The following CCNT2 variants were observed in gnomAD, a reference collection of about 807,000 sequenced individuals.
CCNT2 encodes the protein cyclin-T2.
A neutral mutation model predicts 70.0 loss-of-function variants in CCNT2; 18 were observed. That is an observed-to-expected ratio of 0.26 (90% CI 0.18 to 0.38). The LOEUF is 0.38. Ranked by LOEUF, CCNT2 falls within the 10% of genes least tolerant of loss-of-function variation. The pLI is 1.00. For missense variants in CCNT2, 734 were observed against 890.2 expected (o/e 0.82, Z 2.23); for synonymous variants, 334 against 313.3 (o/e 1.07, Z -0.70).
intron 5 of CCNT2, chr2:134,945,617 G>C: frequency 1.0e-6 from 1 of 985,358 alleles, no homozygotes; most frequent in South Asian, 4.7e-5. Flanking sequence ...AAACTGAGCA[G>C]TTTGTGCTCT....
At chr2:134,942,469 A>G (rs1419953845) in intron 4 of CCNT2, 143 bp from the exon 5 acceptor site, 1 of 430,238 alleles carries the variant, frequency 2.3e-6, no homozygotes, top group South Asian at 9.7e-5. Context: ...TTGTCATTGG[A>G]AAAGTAATGA....
intron 2 of CCNT2, among the ~76,000 whole-genome samples, chr2:134,931,792 A>G (rs1301774069): frequency 6.6e-6 from 1 of 151,982 alleles, no homozygotes; most frequent in African/African-American, 2.4e-5. Flanking sequence ...AAGAGAAGGG[A>G]TCTCACTCTG....
chr2:134,940,481 A>C (rs531844831), intron 4 of CCNT2, among the ~76,000 whole-genome samples: 1 of 150,118 alleles, frequency 6.7e-6, no homozygotes, highest in Non-Finnish European at 1.5e-5. Flanking sequence ...TTAGGCACAC[A>C]AACAGACAAT....
chr2:134,953,499 C>G lies in CCNT2; in HGVS notation c.1044C>G (p.His348Gln), dbSNP rs1682686830. 4 of 1,614,040 alleles carry G rather than the reference C, an allele frequency of 2.5e-6. No homozygotes were observed. Among genetic ancestry groups the G allele is most frequent in the Non-Finnish European group, 3.4e-6 (4 of 1,180,028 alleles). ...MPSTSYGLSS[H>Q]QEWPQHQDSA... is the part of the protein sequence containing the mutation. ...GTACTTCATACGGTTTATCATCACA[C>G]CAGGAATGGCCTCAACATCAAGACT... The change falls in exon 9 of 9, where the codon CAC becomes CAG. Residue 348 changes from histidine (H) to glutamine (Q), a missense_variant. His to Gln is a conservative substitution (Grantham distance 24). Transcript: ENST00000264157.
At chr2:134,927,811 G>C (rs1680407012) in intron 2 of CCNT2, among the ~76,000 whole-genome samples, 1 of 152,072 alleles carries the variant, frequency 6.6e-6, no homozygotes, top group Non-Finnish European at 1.5e-5. Flanking sequence ...GGAAATGATG[G>C]AATCTCCTTA....
chr2:134,925,794 G>A (rs1248181068), intron 2 of CCNT2, among the ~76,000 whole-genome samples: 5 of 151,468 alleles, frequency 3.3e-5, no homozygotes, highest in African/African-American at 1.2e-4. Context: ...TTATACCCAG[G>A]AGTAGAATTG....
Position 134,954,072 on chromosome 2 carries a change from T to C in CCNT2, c.1617T>C (p.Asp539=), listed in dbSNP as rs1682741737. The change falls in exon 9 of 9, where the codon GAT becomes GAC. Residue 539 remains aspartate (D), a synonymous_variant. Coordinates refer to ENST00000264157, the MANE Select transcript of CCNT2 (RefSeq NM_058241.3). ...CTTCAGAAAGACACAGCTCTTCTGA[T>C]GAAGGCAGTGGGAAGAGCAAACATT... ...VSSSERHSSS[D]EGSGKSKHSS... is the part of the protein sequence containing the mutation. 2 of 1,613,902 alleles carry C rather than the reference T, an allele frequency of 1.2e-6. No homozygotes were observed. The highest frequency in any genetic ancestry group is 1.3e-5 in the African/African-American group (1 of 75,004).
At position 134,946,117 on chromosome 2, in the gene CCNT2, A is replaced by T; in HGVS notation, c.510A>T (p.Ala170=). The T allele has an allele frequency of 6.2e-7, 1 of 1,611,462 alleles. No homozygotes were observed. Among genetic ancestry groups the T allele is most frequent in the South Asian group, 1.1e-5 (1 of 91,022 alleles). ...TQLVRASKDL[A]QTSYFMATNS... ...TTCTTACAGCAAGCAAGGATTTGGC[A>T]CAGACATCCTATTTCATGGCTACCA... The change falls in exon 6 of 9, where the codon GCA becomes GCT. Residue 170 remains alanine (A), a synonymous_variant. Transcript: ENST00000264157.
intron 2 of CCNT2, among the ~76,000 whole-genome samples, chr2:134,921,482 T>C (rs1443837235): frequency 1.3e-5 from 2 of 152,146 alleles, no homozygotes; most frequent in Non-Finnish European, 2.9e-5. Context: ...GCCTCCTGAG[T>C]AGCTGGGACT....
rs191656861 is a variant in CCNT2, at chr2:134,939,375, G to A, written c.430+313G>A. Among the ~76,000 whole-genome samples the A allele has an allele frequency of 2.5e-3, 375 of 152,190 alleles. 2 individuals are homozygous for A. The highest frequency in any genetic ancestry group is 3.2e-3 in the Non-Finnish European group (217 of 67,976). ...CTTTAGGGTTGTTTTATATGATTAT[G>A]ATGTATACAAACCTACACAGCAATC... is the stretch of plus-strand genomic sequence containing the variant. On this transcript the variant is annotated intron_variant, in intron 4 of 8. Transcript: ENST00000264157.
intron 4 of CCNT2, among the ~76,000 whole-genome samples, chr2:134,940,938 C>T (rs1681537054): frequency 6.6e-6 from 1 of 152,256 alleles, no homozygotes; most frequent in South Asian, 2.1e-4. Flanking sequence ...GTGTAAGGTT[C>T]AGTGTGAAAG....
intron 3 of CCNT2, among the ~76,000 whole-genome samples, chr2:134,937,924 A>AT (rs556695628): frequency 6.6e-6 from 1 of 151,826 alleles, no homozygotes; most frequent in African/African-American, 2.4e-5. Context: ...CAAAAAAAAA[A>AT]TTTTTTTTTC....
chr2:134,954,537 C>A lies in CCNT2; in HGVS notation c.2082C>A (p.Thr694=). ...LVKLDKKPVE[T]NGPDANHEYS... is the part of the protein sequence containing the mutation. ...AACTGGACAAGAAGCCAGTGGAGAC[C>A]AACGGTCCTGATGCCAATCACGAGT... The change falls in exon 9 of 9, where the codon ACC becomes ACA. Residue 694 remains threonine (T), a synonymous_variant. Transcript: ENST00000264157. 6.2e-7 allele frequency: 1 copy of A among 1,614,032 alleles called. No homozygotes were observed. The highest frequency in any genetic ancestry group is 1.1e-5 in the South Asian group (1 of 91,082).
At chr2:134,946,284 C>A in intron 6 of CCNT2, 138 bp downstream of exon 6, 1 of 1,265,256 alleles carries the variant, frequency 7.9e-7, no homozygotes, top group Non-Finnish European at 1.1e-6. Flanking sequence ...TTCCTGTTTG[C>A]TTTGCGGTGT....
In CCNT2 at chr2:134,936,951, G is replaced by C; in HGVS notation, c.351G>C (p.Leu117=). 6.2e-7 allele frequency: 1 copy of C among 1,608,368 alleles called. No homozygotes were observed. Among genetic ancestry groups the C allele is most frequent in the East Asian group, 2.2e-5 (1 of 44,822 alleles). ...CTTGTCTTCATCCTCTAGAGCCACT[G>C]CTGGATACTAAATGTGATGTATGTA... The part of the protein sequence containing the change: ...AHACLHPLEP[L]LDTKCDAYLQ... The change falls in exon 3 of 9, where the codon CTG becomes CTC. Residue 117 remains leucine, a synonymous_variant. Transcript: ENST00000264157.
intron 5 of CCNT2, chr2:134,944,406 G>A (rs1455506849): frequency 3.1e-6 from 3 of 966,518 alleles, no homozygotes; most frequent in Non-Finnish European, 3.7e-6. Flanking sequence ...TAGGAAATTG[G>A]ATTTTCAGGT....
rs6737606 is a variant in CCNT2 at position 134,941,554 on chromosome 2, G to A, written c.431-1058G>A. Among the ~76,000 whole-genome samples, 384 of 152,000 alleles carry A rather than the reference G, an allele frequency of 2.5e-3. 1 individual carries two copies. The highest frequency in any genetic ancestry group is 8.8e-3 in the African/African-American group (363 of 41,404). ...TAGGCCCTGCGTTGTTCAGAGGTCAGCTGTAAATTATTTGAAGTTTCTATA... is the reference window on the plus strand; with the variant it reads ...TAGGCCCTGCGTTGTTCAGAGGTCAACTGTAAATTATTTGAAGTTTCTATA... On this transcript the variant is annotated intron_variant, in intron 4 of 8. Coordinates refer to ENST00000264157, the MANE Select transcript of CCNT2 (RefSeq NM_058241.3).
At chr2:134,942,991 A>T in intron 5 of CCNT2, 1 of 985,386 alleles carries the variant, frequency 1.0e-6, no homozygotes, top group Non-Finnish European at 1.2e-6. Context: ...CCAATAGTGC[A>T]TAGGTTCAGA....
intron 5 of CCNT2, chr2:134,944,362 A>C (rs1209394165): frequency 1.0e-6 from 1 of 962,678 alleles, no homozygotes; most frequent in East Asian, 1.2e-4. Context: ...AAGTACTAGT[A>C]TATGTTTAAA....
Sources: gnomAD v4.1 joint callset for allele counts (sites outside exome capture counted in the v4.1 genomes callset) on GRCh38, gnomAD v4.1.1 for gene constraint, MANE v1.5 for transcripts, NCBI Gene and HGNC (gene_info 2026-07-23, HGNC 2026-07-21) for gene names.